Variants in LRFN5 observed in about 807,000 individuals in gnomAD.
The protein encoded by LRFN5 is leucine rich repeat and fibronectin type III domain containing 5, also known as leucine-rich repeat and fibronectin type-III domain-containing protein 5.
LRFN5 carries 24 observed loss-of-function variants against 45.6 expected under a neutral mutation model. That is an observed-to-expected ratio of 0.53 (90% CI 0.38 to 0.74). The LOEUF is 0.74. Among genes scored for constraint, LRFN5 ranks in the 30% least tolerant of loss-of-function variants. LRFN5 has a pLI of 0.00. For synonymous variants in LRFN5, 340 were observed against 313.8 expected (o/e 1.08, Z -0.88); for missense variants, 776 against 861.5 (o/e 0.90, Z 1.24).
chr14:41,711,494 C>T (rs1883283561), intron 1 of LRFN5, among the ~76,000 whole-genome samples: 2 of 152,118 alleles, frequency 1.3e-5, no homozygotes, highest in Non-Finnish European at 2.9e-5. Flanking sequence ...GAGAAAAACA[C>T]AGAGGACATA....
chr14:41,703,993 T>C (rs1882944066), intron 1 of LRFN5, among the ~76,000 whole-genome samples: 1 of 152,114 alleles, frequency 6.6e-6, no homozygotes, highest in African/African-American at 2.4e-5. Context: ...GGTAGCTCCA[T>C]TATTTACCCC....
At chr14:41,733,246 G>A (rs1884260338) in intron 1 of LRFN5, among the ~76,000 whole-genome samples, 1 of 152,008 alleles carries the variant, frequency 6.6e-6, no homozygotes, top group African/African-American at 2.4e-5. Context: ...CACGTGGGAT[G>A]AACTCAAAGA....
intron 1 of LRFN5, among the ~76,000 whole-genome samples, chr14:41,676,584 G>A (rs755548001): frequency 2.0e-5 from 3 of 152,094 alleles, no homozygotes; most frequent in Admixed American, 6.6e-5. Context: ...AACCCTCCTA[G>A]GTTTTCAGTC....
chr14:41,859,895 A>G (rs1157602545), intron 2 of LRFN5, among the ~76,000 whole-genome samples: 1 of 152,084 alleles, frequency 6.6e-6, no homozygotes, highest in Non-Finnish European at 1.5e-5. Flanking sequence ...ATAATAATCA[A>G]CCATTTATCA....
intron 3 of LRFN5, among the ~76,000 whole-genome samples, chr14:41,890,551 C>T (rs1890740259): frequency 6.6e-6 from 1 of 151,460 alleles, no homozygotes; most frequent in East Asian, 2.0e-4. Context: ...ACTAAAAATA[C>T]AAAAAATTAG....
chr14:41,745,093 A>G (rs1343912866), intron 1 of LRFN5, among the ~76,000 whole-genome samples: 2 of 152,112 alleles, frequency 1.3e-5, no homozygotes, highest in African/African-American at 4.8e-5. Flanking sequence ...AAGTTCACCC[A>G]AGACATTTTT....
chr14:41,813,572 AT>A (rs1396057314), intron 2 of LRFN5, among the ~76,000 whole-genome samples: 2 of 152,002 alleles, frequency 1.3e-5, no homozygotes, highest in African/African-American at 2.4e-5. Context: ...TATGTGCCAC[AT>A]TTTCTTATCC....
At chr14:41,614,559 A>C (rs1211686731) in intron 1 of LRFN5, among the ~76,000 whole-genome samples, 1 of 152,044 alleles carries the variant, frequency 6.6e-6, no homozygotes, top group Non-Finnish European at 1.5e-5. Flanking sequence ...TTCTATTTTG[A>C]TGTTCTACGC....
intron 2 of LRFN5, among the ~76,000 whole-genome samples, chr14:41,780,335 T>G (rs1886437584): frequency 6.6e-6 from 1 of 152,010 alleles, no homozygotes; most frequent in Non-Finnish European, 1.5e-5. Context: ...TTTCTGTGAG[T>G]TTTTGCCTCA....
At chr14:41,886,211 T>A (rs1175420955) in intron 2 of LRFN5, among the ~76,000 whole-genome samples, 2 of 152,140 alleles carry the variant, frequency 1.3e-5, no homozygotes, top group Non-Finnish European at 2.9e-5. Context: ...TCTAATTTTT[T>A]AAATATCTTT....
chr14:41,670,284 TA>T (rs1566612505), intron 1 of LRFN5, among the ~76,000 whole-genome samples: 2 of 84,610 alleles, frequency 2.4e-5, no homozygotes, highest in African/African-American at 1.2e-4. Flanking sequence ...TATATATATA[TA>T]TATATATATA....
At chr14:41,898,775 G>C in intron 4 of LRFN5, 142 bp from the exon 5 acceptor site, 1 of 709,094 alleles carries the variant, frequency 1.4e-6, no homozygotes, top group Non-Finnish European at 2.3e-6. Flanking sequence ...CCATGAACTG[G>C]TAAGTTTTTT....
At chr14:41,810,078 A>G (rs989816937) in intron 2 of LRFN5, among the ~76,000 whole-genome samples, 2 of 152,080 alleles carry the variant, frequency 1.3e-5, no homozygotes, top group African/African-American at 4.8e-5. Context: ...TAACATTATA[A>G]TTAGTGTTTT....
chr14:41,754,145 G>A (rs994097903), intron 1 of LRFN5, among the ~76,000 whole-genome samples: 5 of 152,164 alleles, frequency 3.3e-5, no homozygotes, highest in African/African-American at 1.2e-4. Flanking sequence ...GCTTTTTGAT[G>A]TGCTGCTGGA....
chr14:41,758,930 T>C lies in LRFN5; in HGVS notation c.-196-7924T>C, dbSNP rs902886767. 1.4e-4 allele frequency among the ~76,000 whole-genome samples: 21 copies of C among 152,196 alleles called. 1 individual carries two copies. Among genetic ancestry groups the C allele is most frequent in the African/African-American group, 4.6e-4 (19 of 41,458 alleles). On this transcript the variant is annotated intron_variant, in intron 1 of 5. Coordinates refer to ENST00000298119, the MANE Select transcript of LRFN5 (RefSeq NM_152447.5). ...TGACTTCTTTGAATGTTTTTTACTA[T>C]GTGATTTTTCCTCATTTGCAGTTAA... is the stretch of plus-strand genomic sequence containing the variant.
In LRFN5 at chr14:41,886,609, C is replaced by G. The variant is rs1566504825; in HGVS notation, c.-17C>G. On this transcript the variant is annotated 5_prime_UTR_variant, in exon 3 of 6. Coordinates refer to ENST00000298119, the MANE Select transcript of LRFN5 (RefSeq NM_152447.5). ...TATTTTGTGTCTTCCGTTACAGGCT[C>G]TTAAACCTGATCTACAATGGAAAAA... 2 of 1,554,340 alleles carry G rather than the reference C, an allele frequency of 1.3e-6. No individual in the cohort carries two copies. The highest frequency in any genetic ancestry group is 2.8e-5 in the African/African-American group (2 of 72,472).
chr14:41,812,165 T>A (rs971926717), intron 2 of LRFN5, among the ~76,000 whole-genome samples: 1 of 152,056 alleles, frequency 6.6e-6, no homozygotes, highest in Non-Finnish European at 1.5e-5. Flanking sequence ...TTAAACTGAG[T>A]TATTACCTTA....
At chr14:41,901,474 G>A (rs1435886257) in intron 5 of LRFN5, among the ~76,000 whole-genome samples, 1 of 149,848 alleles carries the variant, frequency 6.7e-6, no homozygotes, top group Non-Finnish European at 1.5e-5. Context: ...GTGTAGCTTT[G>A]CACAAGAGCT....
chr14:41,681,596 C>T (rs1029476702), intron 1 of LRFN5, among the ~76,000 whole-genome samples: 1 of 151,704 alleles, frequency 6.6e-6, no homozygotes, highest in African/African-American at 2.4e-5. Flanking sequence ...GAACGAAAGC[C>T]AAGGGATTTC....
Sources: gnomAD v4.1 joint callset for allele counts (sites outside exome capture counted in the v4.1 genomes callset) on GRCh38, gnomAD v4.1.1 for gene constraint, MANE v1.5 for transcripts, NCBI Gene and HGNC (gene_info 2026-07-23, HGNC 2026-07-21) for gene names.